The following SAMD3 variants were observed in gnomAD, a reference collection of about 807,000 sequenced individuals.
The protein encoded by SAMD3 is sterile alpha motif domain containing 3, also known as sterile alpha motif domain-containing protein 3.
Under a neutral mutation model 58.5 loss-of-function variants are expected in SAMD3, and 63 were observed. The observed-to-expected ratio is 1.08, with a 90% CI of 0.88 to 1.33. The LOEUF (loss-of-function observed/expected upper bound fraction) is 1.33, where lower values mean the gene tolerates loss of function less well. Ranked by LOEUF, SAMD3 falls within the 40% of genes most tolerant of loss-of-function variation. SAMD3 has a pLI of 0.00. For missense variants in SAMD3, 604 were observed against 608.4 expected (o/e 0.99, Z 0.08); for synonymous variants, 220 against 210.3 (o/e 1.05, Z -0.40).
At chr6:130,355,219 C>G (rs1023941207) in intron 1 of SAMD3, among the ~76,000 whole-genome samples, 2 of 152,070 alleles carry the variant, frequency 1.3e-5, no homozygotes, top group African/African-American at 2.4e-5. Flanking sequence ...AGGCCGGGAG[C>G]TCGAGACCAG....
intron 1 of SAMD3, among the ~76,000 whole-genome samples, chr6:130,343,266 A>G (rs958396657): frequency 6.6e-6 from 1 of 152,066 alleles, no homozygotes; most frequent in Non-Finnish European, 1.5e-5. Context: ...AATCGGGATC[A>G]TAAGTGAGCT....
chr6:130,234,884 G>A (rs1355364504), intron 2 of SAMD3, among the ~76,000 whole-genome samples: 1 of 152,194 alleles, frequency 6.6e-6, no homozygotes, highest in Non-Finnish European at 1.5e-5. Flanking sequence ...CCAGCATTTT[G>A]GGAGGATTAC....
At chr6:130,210,798 A>T (rs996709680) in intron 4 of SAMD3, among the ~76,000 whole-genome samples, 1 of 152,106 alleles carries the variant, frequency 6.6e-6, no homozygotes, top group Admixed American at 6.5e-5. Flanking sequence ...GACCAGCATT[A>T]ACATCAACAC....
At chr6:130,264,663 G>A (rs1327211047) in intron 2 of SAMD3, among the ~76,000 whole-genome samples, 1 of 152,186 alleles carries the variant, frequency 6.6e-6, no homozygotes. Context: ...TCAATTTAAA[G>A]CTTGAAATCA....
chr6:130,153,070 A>G (rs1323697386), intron 9 of SAMD3, among the ~76,000 whole-genome samples: 1 of 152,376 alleles, frequency 6.6e-6, no homozygotes, highest in African/African-American at 2.4e-5. Flanking sequence ...CACAAAATCA[A>G]GATTACATTG....
intron 5 of SAMD3, among the ~76,000 whole-genome samples, chr6:130,191,130 C>A (rs758906744): frequency 1.3e-5 from 2 of 151,844 alleles, no homozygotes; most frequent in Non-Finnish European, 2.9e-5. Flanking sequence ...TGTTTGCCGA[C>A]AATGTAACCC....
At chr6:130,299,613 T>C (rs1439647884) in intron 2 of SAMD3, among the ~76,000 whole-genome samples, 1 of 151,974 alleles carries the variant, frequency 6.6e-6, no homozygotes, top group Non-Finnish European at 1.5e-5. Flanking sequence ...ACAAAGATTA[T>C]AGCAAAACTA....
chr6:130,355,555 G>A (rs1042661492), intron 1 of SAMD3, among the ~76,000 whole-genome samples: 3 of 152,210 alleles, frequency 2.0e-5, no homozygotes, highest in African/African-American at 7.2e-5. Flanking sequence ...TTCAAAGACT[G>A]AAAAGACATA....
intron 1 of SAMD3, among the ~76,000 whole-genome samples, chr6:130,217,140 C>T (rs957103968): frequency 3.3e-5 from 5 of 152,068 alleles, no homozygotes; most frequent in African/African-American, 1.2e-4. Context: ...AATAAAAAAG[C>T]ATATAGTTTT....
intron 2 of SAMD3, among the ~76,000 whole-genome samples, chr6:130,249,091 G>C (rs112344376): frequency 8.5e-5 from 13 of 152,250 alleles, no homozygotes; most frequent in Non-Finnish European, 1.5e-4. Flanking sequence ...TACAGCTTAG[G>C]AAGGACCAGT....
Position 130,244,791 on chromosome 6 carries a change from C to T in SAMD3, c.-187-21978G>A, listed in dbSNP as rs147215307. 4.6e-3 allele frequency among the ~76,000 whole-genome samples: 687 copies of T among 149,756 alleles called. 2 individuals carry two copies. The highest frequency in any genetic ancestry group is 7.5e-3 in the Non-Finnish European group (502 of 66,878). On this transcript the variant is annotated intron_variant, in intron 2 of 13. Transcript: ENST00000368134. Reference sequence around the variant, plus strand: ...TAAAAATAAAAATAAAAATAAAGCACAATAGTGTGCAGATGCCATAGGGTT... The same window carrying T: ...TAAAAATAAAAATAAAAATAAAGCATAATAGTGTGCAGATGCCATAGGGTT...
intron 2 of SAMD3, among the ~76,000 whole-genome samples, chr6:130,260,923 G>T (rs1774103590): frequency 6.6e-6 from 1 of 152,200 alleles, no homozygotes. Flanking sequence ...GTGGAAGTGT[G>T]GTCTGATGAC....
intron 3 of SAMD3, among the ~76,000 whole-genome samples, 179 bp downstream of exon 3, chr6:130,215,016 T>C (rs1795908603): frequency 6.6e-6 from 1 of 152,214 alleles, no homozygotes; most frequent in African/African-American, 2.4e-5. Context: ...TGGATGTTAC[T>C]TTCAAGTGGA....
intron 8 of SAMD3, among the ~76,000 whole-genome samples, chr6:130,167,345 G>A (rs912455161): frequency 6.6e-6 from 1 of 152,132 alleles, no homozygotes; most frequent in African/African-American, 2.4e-5. Flanking sequence ...TAGAAATGGG[G>A]ACAGAAAGGA....
At chr6:130,145,470 C>A in intron 10 of SAMD3, 48 bp from the exon 11 acceptor site, 1 of 1,314,846 alleles carries the variant, frequency 7.6e-7, no homozygotes, top group Non-Finnish European at 1.1e-6. Context: ...AAGCTTTTAG[C>A]AATTGTAAGC....
rs528560945 is a variant in SAMD3 at position 130,239,703 on chromosome 6, A to G, written c.-187-16890T>C. 9.8e-5 allele frequency among the ~76,000 whole-genome samples: 15 copies of G among 152,292 alleles called. No individual in the cohort carries two copies. In the East Asian group the frequency reaches 2.3e-3, roughly 24 times the overall value. ...ACCAAAAAATGCTACAAGCCAGTAC[A>G]TTCCTATTTCTAAGTAAAAAAACAC... On this transcript the variant is annotated intron_variant, in intron 2 of 13. Transcript: ENST00000368134.
At chr6:130,217,782 C>G (rs1314287113) in intron 1 of SAMD3, among the ~76,000 whole-genome samples, 1 of 152,160 alleles carries the variant, frequency 6.6e-6, no homozygotes, top group Non-Finnish European at 1.5e-5. Flanking sequence ...GCATTTTTCG[C>G]TTTATTCCTC....
At position 130,203,951 on chromosome 6, in the gene SAMD3, G is replaced by A. The variant is rs958489542; in HGVS notation, c.383+5544C>T. Among the ~76,000 whole-genome samples the A allele has an allele frequency of 1.3e-4, 20 of 152,120 alleles. No individual in the cohort carries two copies. In the South Asian group the frequency reaches 1.7e-3, roughly 13 times the overall value. On this transcript the variant is annotated intron_variant, in intron 5 of 11. Coordinates refer to ENST00000439090, the MANE Select transcript of SAMD3 (RefSeq NM_001017373.4). ...CTGTGTGAAAGAGCCTGCAAACAAC[G>A]CATCAAATATGTTGAAAATCCATTG...
chr6:130,176,620 A>C (rs1229108008), intron 7 of SAMD3, among the ~76,000 whole-genome samples: 1 of 152,184 alleles, frequency 6.6e-6, no homozygotes, highest in Non-Finnish European at 1.5e-5. Context: ...AAGTATTATA[A>C]TAGGGGAAGA....
Sources: allele counts gnomAD v4.1 joint callset (sites outside exome capture counted in the v4.1 genomes callset), GRCh38; gene constraint gnomAD v4.1.1; transcripts MANE v1.5; gene names NCBI Gene and HGNC (gene_info 2026-07-23, HGNC 2026-07-21).